Variants in FAM20C observed in about 807,000 individuals in gnomAD.
FAM20C encodes the protein FAM20C golgi associated secretory pathway kinase, also known as extracellular serine/threonine protein kinase FAM20C.
In FAM20C, 40 loss-of-function variants were observed where a neutral mutation model predicts 51.5. The observed-to-expected ratio is 0.78, with a 90% CI of 0.60 to 1.01. The LOEUF is 1.01. Ranked by LOEUF, FAM20C falls within the 50% of genes least tolerant of loss-of-function variation. The pLI, the probability that FAM20C is intolerant of heterozygous loss-of-function variation, is 0.00. For synonymous variants in FAM20C, 406 were observed against 380.6 expected (o/e 1.07, Z -0.78); for missense variants, 861 against 844.7 (o/e 1.02, Z -0.24).
intron 4 of FAM20C, among the ~76,000 whole-genome samples, chr7:246,937 G>T (rs137941070): frequency 4.6e-5 from 7 of 152,304 alleles, no homozygotes; most frequent in Non-Finnish European, 8.8e-5. Flanking sequence ...ATCCAGATGG[G>T]CCCCTCCTGC....
Position 218,450 on chromosome 7 carries a change from G to T in FAM20C, c.863+9474G>T, listed in dbSNP as rs142590111. Among the ~76,000 whole-genome samples the T allele has an allele frequency of 4.7e-3, 711 of 152,328 alleles. 6 individuals carry two copies. The highest frequency in any genetic ancestry group is 0.016 in the African/African-American group (659 of 41,564). On this transcript the variant is annotated intron_variant, in intron 3 of 9. Coordinates refer to ENST00000313766, the MANE Select transcript of FAM20C (RefSeq NM_020223.4). ...TGTGGCCCCTCTGACGGGACTGCAC[G>T]ACCTGCTCAATGTCCTGGTAAGCTC...
At chr7:241,947 G>A (rs887498500) in intron 3 of FAM20C, among the ~76,000 whole-genome samples, 25 of 152,278 alleles carry the variant, frequency 1.6e-4, no homozygotes, top group South Asian at 1.2e-3. Flanking sequence ...GTGTGCGTGC[G>A]TATGCATACT....
In FAM20C at chr7:207,040, G is replaced by A. The variant is rs1176536070; in HGVS notation, c.785-1858G>A. Reference sequence around the variant, plus strand: ...CCCGCACACGTATCCACTGTGACGCGTCGGTCACTGTCCCCTCGGCCCTGC... The same window carrying A: ...CCCGCACACGTATCCACTGTGACGCATCGGTCACTGTCCCCTCGGCCCTGC... On this transcript the variant is annotated intron_variant, in intron 2 of 9. Transcript: ENST00000313766. 4.5e-5 allele frequency among the ~76,000 whole-genome samples: 2 copies of A among 44,590 alleles called. 1 individual carries two copies. Among genetic ancestry groups the A allele is most frequent in the Non-Finnish European group, 8.3e-5 (2 of 23,988 alleles). The allele number at this position is 44,590 out of a possible 152,430, so 29.3% of individuals were successfully genotyped here.
intron 4 of FAM20C, among the ~76,000 whole-genome samples, chr7:246,955 C>T (rs1290025500): frequency 6.6e-6 from 1 of 152,284 alleles, no homozygotes; most frequent in South Asian, 2.1e-4. Context: ...TGCACCCCCA[C>T]AGTTCAGGCA....
At position 226,318 on chromosome 7, in the gene FAM20C, C is replaced by A. The variant is rs555287132; in HGVS notation, c.863+17342C>A. Among the ~76,000 whole-genome samples, 865 of 152,238 alleles carry A rather than the reference C, an allele frequency of 5.7e-3. 12 individuals carry two copies. Among genetic ancestry groups the A allele is most frequent in the African/African-American group, 0.02 (831 of 41,518 alleles). On this transcript the variant is annotated intron_variant, in intron 3 of 9. Transcript: ENST00000313766. ...CCTGGAGAAGACCGGCTAGGAGGGG[C>A]CCTGGAGGGTCACAGTGCAGGGGGT...
Position 259,879 on chromosome 7 carries a change from G to A in FAM20C, c.1654G>A (p.Val552Ile), listed in dbSNP as rs753843872. ...GGAGGCCCTGGACCGGCGGCTCCGCGTCGTGCTAAAGGCCGTCCGGGACTG... is the reference window on the plus strand; with the variant it reads ...GGAGGCCCTGGACCGGCGGCTCCGCATCGTGCTAAAGGCCGTCCGGGACTG... Reference protein sequence around the residue: ...HLEALDRRLRVVLKAVRDCVE... With the variant: ...HLEALDRRLRIVLKAVRDCVE... Residue 552 changes from valine to isoleucine, a missense_variant, in exon 10 of 10, where the codon GTC (valine) becomes ATC (isoleucine). Coordinates refer to ENST00000313766, the MANE Select transcript of FAM20C (RefSeq NM_020223.4). 1.8e-4 allele frequency: 283 copies of A among 1,536,074 alleles called. No individual in the cohort carries two copies. The highest frequency in any genetic ancestry group is 2.3e-4 in the Non-Finnish European group (262 of 1,146,734).
At chr7:228,666 G>A in intron 3 of FAM20C, 1 of 456,288 alleles carries the variant, frequency 2.2e-6, no homozygotes, top group South Asian at 1.5e-5. Context: ...GACAACTGGT[G>A]CCTGGAGCTG....
intron 2 of FAM20C, among the ~76,000 whole-genome samples, chr7:206,825 C>T (rs1183198540): frequency 7.9e-6 from 1 of 126,438 alleles, no homozygotes; most frequent in Non-Finnish European, 1.6e-5. Context: ...TCACTGTCCC[C>T]TCGGCCCCGC....
At chr7:214,034 AAGAC>A (rs1204594731) in intron 3 of FAM20C, among the ~76,000 whole-genome samples, 1 of 152,124 alleles carries the variant, frequency 6.6e-6, no homozygotes, top group East Asian at 1.9e-4. Flanking sequence ...ACTAAGTTTT[AAGAC>A]GTCTTGGCCA....
chr7:212,405 G>C (rs968830468), intron 3 of FAM20C, among the ~76,000 whole-genome samples: 3 of 152,238 alleles, frequency 2.0e-5, no homozygotes, highest in Non-Finnish European at 2.9e-5. Flanking sequence ...GGAGGTTACA[G>C]TGAGCCGAGC....
chr7:207,088 C>T lies in FAM20C; in HGVS notation c.785-1810C>T, dbSNP rs1334836660. Among the ~76,000 whole-genome samples the T allele has an allele frequency of 5.7e-4, 17 of 30,070 alleles. 1 individual carries two copies. The highest frequency in any genetic ancestry group is 2.5e-3 in the African/African-American group (16 of 6,348). The allele number at this position is 30,070 out of a possible 152,430, so 19.7% of individuals were successfully genotyped here. A position where few individuals can be genotyped will look rare whatever the true frequency, so the allele number is the denominator to read the frequency against. ...TGCACACGTATCCACTGTGACGCGT[C>T]GGTCACTGTCCCCTCGGCCCCGCAC... On this transcript the variant is annotated intron_variant, in intron 2 of 9. Coordinates refer to ENST00000313766, the MANE Select transcript of FAM20C (RefSeq NM_020223.4).
At chr7:205,308 C>T (rs1562366887) in intron 2 of FAM20C, among the ~76,000 whole-genome samples, 232 of 146,338 alleles carry the variant, frequency 1.6e-3, no homozygotes, top group Admixed American at 2.5e-3. Flanking sequence ...ACCACCACGA[C>T]GTCAGCCCCC....
chr7:257,514 A>T, intron 8 of FAM20C: 1 of 191,216 alleles, frequency 5.2e-6, no homozygotes, highest in Non-Finnish European at 1.1e-5. Flanking sequence ...CCTGGTTACC[A>T]GGGAGGGTGA....
intron 5 of FAM20C, among the ~76,000 whole-genome samples, chr7:250,134 G>A (rs985816914): frequency 6.6e-6 from 1 of 152,202 alleles, no homozygotes; most frequent in Non-Finnish European, 1.5e-5. Flanking sequence ...TGCGTCTTCA[G>A]ATTTGCTGGC....
intron 3 of FAM20C, among the ~76,000 whole-genome samples, chr7:226,366 C>G (rs947842271): frequency 6.6e-6 from 1 of 152,144 alleles, no homozygotes; most frequent in Non-Finnish European, 1.5e-5. Flanking sequence ...AACAGATCAA[C>G]GTTAACAGCG....
chr7:232,534 T>G (rs1457279319), intron 3 of FAM20C, among the ~76,000 whole-genome samples: 1 of 152,342 alleles, frequency 6.6e-6, no homozygotes, highest in Non-Finnish European at 1.5e-5. Context: ...TAGCTCAGAG[T>G]GAGAGCCACA....
At chr7:226,169 C>G (rs1420956480) in intron 3 of FAM20C, among the ~76,000 whole-genome samples, 1 of 152,118 alleles carries the variant, frequency 6.6e-6, no homozygotes, top group Non-Finnish European at 1.5e-5. Context: ...CTGCACCTCC[C>G]AAACCCACTG....
intron 8 of FAM20C, among the ~76,000 whole-genome samples, chr7:257,802 G>T (rs916686185): frequency 9.6e-3 from 1,149 of 119,726 alleles, no homozygotes; most frequent in African/African-American, 0.014. Flanking sequence ...AGATGGGCTG[G>T]GTGGACCCAC....
rs1786546144 is a variant in FAM20C at position 208,497 on chromosome 7, G to A, written c.785-401G>A. On this transcript the variant is annotated intron_variant, in intron 2 of 9. Transcript: ENST00000313766. ...TCAGGCCCTGTGTCTGTGGGTGCATGTGTGTGAGTGTATGTAGGTGTGTGT... is the reference window on the plus strand; with the variant it reads ...TCAGGCCCTGTGTCTGTGGGTGCATATGTGTGAGTGTATGTAGGTGTGTGT... 2.1e-5 allele frequency among the ~76,000 whole-genome samples: 2 copies of A among 96,458 alleles called. 1 individual carries two copies. The highest frequency in any genetic ancestry group is 5.1e-5 in the Non-Finnish European group (2 of 38,926). 63.3% of individuals were successfully genotyped at this position (96,458 alleles called of 152,430 possible).
Sources: allele counts gnomAD v4.1 joint callset (sites outside exome capture counted in the v4.1 genomes callset), GRCh38; gene constraint gnomAD v4.1.1; transcripts MANE v1.5; gene names NCBI Gene and HGNC (gene_info 2026-07-23, HGNC 2026-07-21).